NCAM2: variants seen among roughly 807,000 people sequenced by gnomAD.
The protein encoded by NCAM2 is N-CAM-2.
In NCAM2, 30 loss-of-function variants were observed where a neutral mutation model predicts 98.1. The ratio of observed to expected loss-of-function variants is 0.31; its 90% confidence interval spans 0.23 to 0.41. The LOEUF (loss-of-function observed/expected upper bound fraction) is 0.41, where lower values mean the gene tolerates loss of function less well. Among genes scored for constraint, NCAM2 ranks in the 10% least tolerant of loss-of-function variants. The pLI is 1.00. For missense variants in NCAM2, 867 were observed against 1,005.8 expected (o/e 0.86, Z 1.87); for synonymous variants, 368 against 342.4 (o/e 1.07, Z -0.83).
chr21:21,154,729 T>C (rs2067557763), intron 1 of NCAM2, among the ~76,000 whole-genome samples: 1 of 151,924 alleles, frequency 6.6e-6, no homozygotes, highest in Admixed American at 6.6e-5. Flanking sequence ...AGATTTAAGC[T>C]AAATATTTGT....
intron 1 of NCAM2, among the ~76,000 whole-genome samples, chr21:21,259,764 A>T (rs1317684074): frequency 6.6e-6 from 1 of 152,108 alleles, no homozygotes; most frequent in Non-Finnish European, 1.5e-5. Context: ...CACAGCACAG[A>T]AGCTGTCCAC....
rs56710788 is a variant in NCAM2, at chr21:21,514,472, CAAAAAAA to C, written c.2282+5436_2282+5442del. ...AAGAGCAAAACTTTGTCTCAAAAAA[CAAAAAAA>C]AAAAAAAAAAAAAAAAAATGTTTTC... On this transcript the variant is annotated intron_variant, in intron 16 of 17. Coordinates refer to ENST00000400546, the MANE Select transcript of NCAM2 (RefSeq NM_004540.5). Among the ~76,000 whole-genome samples, 5 of 127,734 alleles carry C rather than the reference CAAAAAAA, an allele frequency of 3.9e-5. No homozygotes were observed. In the East Asian group the frequency reaches 8.7e-4, roughly 22 times the overall value. The allele number at this position is 127,734 out of a possible 152,430, so 83.8% of individuals were successfully genotyped here.
intron 9 of NCAM2, among the ~76,000 whole-genome samples, chr21:21,383,254 A>G (rs543373467): frequency 1.3e-5 from 2 of 152,276 alleles, no homozygotes; most frequent in East Asian, 3.9e-4. Context: ...TCAAACCTCA[A>G]GTGATTTCTC....
chr21:21,439,691 G>C (rs1324679560), intron 12 of NCAM2, among the ~76,000 whole-genome samples: 1 of 152,092 alleles, frequency 6.6e-6, no homozygotes, highest in East Asian at 1.9e-4. Flanking sequence ...TGAAATCTTA[G>C]GTGCAAATAT....
At chr21:21,188,115 G>T (rs537571487) in intron 1 of NCAM2, among the ~76,000 whole-genome samples, 1 of 152,178 alleles carries the variant, frequency 6.6e-6, no homozygotes, top group African/African-American at 2.4e-5. Context: ...CCCTTTTATT[G>T]TTCTGTAATA....
intron 6 of NCAM2, among the ~76,000 whole-genome samples, chr21:21,331,075 T>C (rs1225852110): frequency 6.6e-6 from 1 of 152,104 alleles, no homozygotes; most frequent in Non-Finnish European, 1.5e-5. Context: ...AATAGTTGTT[T>C]TAATAGGCAT....
chr21:21,219,177 G>A (rs940887366), intron 1 of NCAM2, among the ~76,000 whole-genome samples: 1 of 151,490 alleles, frequency 6.6e-6, no homozygotes, highest in African/African-American at 2.4e-5. Flanking sequence ...TTTTTTTTTA[G>A]CTCATCAGCT....
At chr21:21,451,013 G>C (rs929901150) in intron 12 of NCAM2, among the ~76,000 whole-genome samples, 1 of 151,986 alleles carries the variant, frequency 6.6e-6, no homozygotes, top group African/African-American at 2.4e-5. Flanking sequence ...GAATTCATGA[G>C]ATTCATTTTT....
intron 1 of NCAM2, among the ~76,000 whole-genome samples, chr21:21,091,196 GTTTT>G (rs1386618907): frequency 6.6e-6 from 1 of 151,990 alleles, no homozygotes; most frequent in South Asian, 2.1e-4. Flanking sequence ...GCTCACTGAG[GTTTT>G]TGTTTGTTTT....
At chr21:21,496,300 A>G (rs1987229767) in intron 15 of NCAM2, among the ~76,000 whole-genome samples, 1 of 151,994 alleles carries the variant, frequency 6.6e-6, no homozygotes, top group Non-Finnish European at 1.5e-5. Context: ...ACTTTTTAAA[A>G]TGATTATTCT....
chr21:21,346,830 AT>A (rs2075203255), intron 8 of NCAM2, among the ~76,000 whole-genome samples: 1 of 152,014 alleles, frequency 6.6e-6, no homozygotes, highest in Admixed American at 6.6e-5. Context: ...GAAACAAATG[AT>A]AATGGAAGCA....
At chr21:21,013,167 A>G (rs1263186870) in intron 1 of NCAM2, among the ~76,000 whole-genome samples, 2 of 152,214 alleles carry the variant, frequency 1.3e-5, no homozygotes, top group East Asian at 1.9e-4. Flanking sequence ...TGAGGAAGGC[A>G]TATTGAAAGC....
intron 12 of NCAM2, among the ~76,000 whole-genome samples, chr21:21,455,683 T>C (rs1283210521): frequency 6.6e-6 from 1 of 152,004 alleles, no homozygotes; most frequent in Non-Finnish European, 1.5e-5. Context: ...GTCACAAATA[T>C]TTAGTGATGT....
At chr21:21,468,472 G>T (rs1034505254) in intron 13 of NCAM2, among the ~76,000 whole-genome samples, 190 bp from the exon 14 acceptor site, 22 of 151,966 alleles carry the variant, frequency 1.4e-4, no homozygotes, top group Non-Finnish European at 2.8e-4. Context: ...GACACTTCTA[G>T]ATTTATAATG....
intron 7 of NCAM2, among the ~76,000 whole-genome samples, chr21:21,337,229 G>T (rs55738007): frequency 6.6e-6 from 1 of 151,984 alleles, no homozygotes; most frequent in Admixed American, 6.6e-5. Flanking sequence ...TATCAGGATT[G>T]CAGTGAAAAA....
At chr21:21,365,792 C>T (rs232505) in intron 8 of NCAM2, among the ~76,000 whole-genome samples, 54,359 of 151,646 alleles carry the variant, frequency 0.36, 9,943 homozygotes, top group East Asian at 0.58. Flanking sequence ...TGACCTTGGA[C>T]GGGATTAGTA....
chr21:21,384,878 A>G (rs1230732757), intron 9 of NCAM2, among the ~76,000 whole-genome samples: 1 of 152,104 alleles, frequency 6.6e-6, no homozygotes. Flanking sequence ...ATCACGAGAT[A>G]TATGTCTACA....
chr21:21,449,580 A>C (rs1249956513), intron 12 of NCAM2, among the ~76,000 whole-genome samples: 1 of 152,026 alleles, frequency 6.6e-6, no homozygotes, highest in Non-Finnish European at 1.5e-5. Context: ...TAACTATAAA[A>C]TTTTTGAAAT....
chr21:21,264,658 TATATATATAC>T (rs1319386060), intron 1 of NCAM2, among the ~76,000 whole-genome samples: 2 of 150,472 alleles, frequency 1.3e-5, no homozygotes, highest in Admixed American at 6.7e-5. Flanking sequence ...TGTGTGCATA[TATATATATAC>T]ACACACACAC....
Sources: gnomAD v4.1 joint callset for allele counts (sites outside exome capture counted in the v4.1 genomes callset) on GRCh38, gnomAD v4.1.1 for gene constraint, MANE v1.5 for transcripts, NCBI Gene and HGNC (gene_info 2026-07-23, HGNC 2026-07-21) for gene names.